OSBPL10: variants seen among roughly 807,000 people sequenced by gnomAD.
OSBPL10 encodes the protein oxysterol-binding protein-related protein 10.
In OSBPL10, 49 loss-of-function variants were observed where a neutral mutation model predicts 81.7. That is an observed-to-expected ratio of 0.60 (90% CI 0.48 to 0.76). The LOEUF is 0.76. OSBPL10 is among the 30% of genes least tolerant of loss of function. The pLI, the probability that OSBPL10 is intolerant of heterozygous loss-of-function variation, is 0.00. For synonymous variants in OSBPL10, 419 were observed against 383.6 expected (o/e 1.09, Z -1.08); for missense variants, 923 against 987.8 (o/e 0.93, Z 0.88).
intron 8 of OSBPL10, among the ~76,000 whole-genome samples, chr3:31,675,151 C>A (rs1166607697): frequency 3.4e-5 from 5 of 146,406 alleles, no homozygotes; most frequent in African/African-American, 5.3e-5. Flanking sequence ...TTGTGGTTCA[C>A]CCTTCATGTC....
At chr3:32,046,884 G>T (rs962950177) in intron 1 of OSBPL10, among the ~76,000 whole-genome samples, 3 of 152,186 alleles carry the variant, frequency 2.0e-5, no homozygotes, top group African/African-American at 7.2e-5. Flanking sequence ...ACAGGGACAT[G>T]CAAGAAGTCA....
chr3:31,883,540 T>G (rs7426939), intron 1 of OSBPL10, among the ~76,000 whole-genome samples: 1 of 94,830 alleles, frequency 1.1e-5, no homozygotes, highest in Non-Finnish European at 2.1e-5. Flanking sequence ...TTTTTTTTTG[T>G]TGTTTTTTTT....
intron 2 of OSBPL10, among the ~76,000 whole-genome samples, chr3:32,036,823 C>A (rs201505827): frequency 3.8e-4 from 54 of 142,234 alleles, no homozygotes; most frequent in East Asian, 6.2e-4. Flanking sequence ...ACTCGTGTCT[C>A]AAAAAAAAAA....
chr3:31,980,841 G>GCA (rs72290087), intron 1 of OSBPL10, 58 bp downstream of exon 1: 16,738 of 1,302,630 alleles, frequency 0.013, 20 homozygotes, highest in South Asian at 0.026. Flanking sequence ...ACACACGCAC[G>GCA]CACACACACA....
At chr3:31,777,958 A>G (rs935640359) in intron 4 of OSBPL10, among the ~76,000 whole-genome samples, 1 of 152,206 alleles carries the variant, frequency 6.6e-6, no homozygotes. Flanking sequence ...TTGCAGGGTG[A>G]AAGAAGCTTC....
At chr3:31,930,026 A>AAAAAC (rs1697197033) in intron 1 of OSBPL10, among the ~76,000 whole-genome samples, 1 of 146,684 alleles carries the variant, frequency 6.8e-6, no homozygotes, top group Admixed American at 6.8e-5. Context: ...AAAAAAAAAA[A>AAAAAC]CAGGTGTGGT....
intron 4 of OSBPL10, among the ~76,000 whole-genome samples, chr3:31,749,330 GATT>G (rs1159765301): frequency 6.6e-6 from 1 of 152,194 alleles, no homozygotes; most frequent in Non-Finnish European, 1.5e-5. Flanking sequence ...TTTTTAAAAA[GATT>G]ATTGTTAATA....
intron 1 of OSBPL10, among the ~76,000 whole-genome samples, chr3:31,922,229 A>G (rs1696937161): frequency 6.6e-6 from 1 of 152,248 alleles, no homozygotes. Context: ...TCGGTTATTA[A>G]TGGTAATGTA....
At chr3:31,824,188 G>A (rs1441890637) in intron 4 of OSBPL10, among the ~76,000 whole-genome samples, 1 of 152,074 alleles carries the variant, frequency 6.6e-6, no homozygotes, top group Non-Finnish European at 1.5e-5. Flanking sequence ...AGACACCATG[G>A]TCAATGAAAG....
chr3:31,834,235 T>C (rs555490103), intron 3 of OSBPL10, among the ~76,000 whole-genome samples: 141 of 152,328 alleles, frequency 9.3e-4, no homozygotes, highest in African/African-American at 3.3e-3. Context: ...TTTAAAATAT[T>C]AACAGAGTCT....
At chr3:31,801,610 A>C (rs1699380284) in intron 4 of OSBPL10, among the ~76,000 whole-genome samples, 1 of 152,176 alleles carries the variant, frequency 6.6e-6, no homozygotes, top group African/African-American at 2.4e-5. Flanking sequence ...GACCGTGTTC[A>C]CACTGCAGAC....
chr3:31,939,285 C>T (rs546894897), intron 1 of OSBPL10, among the ~76,000 whole-genome samples: 6 of 151,692 alleles, frequency 4.0e-5, no homozygotes, highest in South Asian at 2.1e-4. Context: ...GCTGGGACTA[C>T]GGGCGCATGC....
In OSBPL10 at chr3:31,830,080, G is replaced by A. The variant is rs550646084; in HGVS notation, c.689C>T (p.Ala230Val). ...HHKSPAAARRAKSQYSGQLHE... is the reference protein window; with the variant it reads ...HHKSPAAARRVKSQYSGQLHE... ...AAGCTGGCCGGAATACTGACTCTTG[G>A]CTCTTCGGGCGGCTGCAGGCGACTT... is the stretch of plus-strand genomic sequence containing the variant. Residue 230 changes from alanine (A) to valine (V), a missense_variant, in exon 4 of 12, where the codon GCC becomes GTC. Ala to Val is a moderately conservative substitution (Grantham distance 64, BLOSUM62 0). Coordinates refer to ENST00000396556, the MANE Select transcript of OSBPL10 (RefSeq NM_017784.5). The A allele has an allele frequency of 6.2e-7, 1 of 1,613,986 alleles. No individual in the cohort carries two copies. Among genetic ancestry groups the A allele is most frequent in the South Asian group, 1.1e-5 (1 of 91,068 alleles).
intron 2 of OSBPL10, chr3:32,046,443 C>G (rs1482792292): frequency 1.3e-5 from 2 of 152,164 alleles, no homozygotes; most frequent in Non-Finnish European, 2.9e-5. Flanking sequence ...TCAGAGATCA[C>G]TGTCTGCACT....
chr3:31,965,047 G>T (rs1435072233), intron 1 of OSBPL10, among the ~76,000 whole-genome samples: 1 of 151,924 alleles, frequency 6.6e-6, no homozygotes, highest in East Asian at 1.9e-4. Flanking sequence ...AGTATACATG[G>T]AACAATCATC....
At chr3:31,705,317 G>A (rs1354537352) in intron 6 of OSBPL10, among the ~76,000 whole-genome samples, 3 of 151,930 alleles carry the variant, frequency 2.0e-5, no homozygotes, top group Admixed American at 2.0e-4. Context: ...AAACATCTTA[G>A]AGGACACTTT....
intron 1 of OSBPL10, among the ~76,000 whole-genome samples, chr3:31,904,666 C>T (rs1696351066): frequency 6.6e-6 from 1 of 152,176 alleles, no homozygotes; most frequent in African/African-American, 2.4e-5. Context: ...TGGGGCCACA[C>T]AGTTTACTCT....
chr3:31,956,757 C>T (rs992614632), intron 1 of OSBPL10, among the ~76,000 whole-genome samples: 30 of 151,352 alleles, frequency 2.0e-4, no homozygotes, highest in Admixed American at 6.6e-5. Flanking sequence ...TTTCATGGAC[C>T]CTGGCCTTGC....
At chr3:32,048,921 A>C (rs6778224) in intron 1 of OSBPL10, among the ~76,000 whole-genome samples, 116,475 of 152,094 alleles carry the variant, frequency 0.77, 45,260 homozygotes, top group East Asian at 1. Flanking sequence ...TCTGGTTGTT[A>C]TCACTGCTCA....
Sources: allele counts gnomAD v4.1 joint callset (sites outside exome capture counted in the v4.1 genomes callset), GRCh38; gene constraint gnomAD v4.1.1; transcripts MANE v1.5; gene names NCBI Gene and HGNC (gene_info 2026-07-23, HGNC 2026-07-21).